The following GRM5 variants were observed in gnomAD, a reference collection of about 807,000 sequenced individuals.
GRM5 encodes glutamate metabotropic receptor 5.
A neutral mutation model predicts 83.1 loss-of-function variants in GRM5; 19 were observed. That is an observed-to-expected ratio of 0.23 (90% CI 0.16 to 0.34). The LOEUF (loss-of-function observed/expected upper bound fraction) is 0.34. Among genes scored for constraint, GRM5 ranks in the 10% least tolerant of loss-of-function variants. The probability of loss-of-function intolerance (pLI) is 1.00; values close to 1 mark genes in which losing one functional copy is unlikely to be tolerated. For missense variants in GRM5, 1,160 were observed against 1,588.3 expected (o/e 0.73, Z 4.58); for synonymous variants, 675 against 633.6 (o/e 1.07, Z -0.98).
intron 2 of GRM5, among the ~76,000 whole-genome samples, chr11:88,974,386 T>TAGATAGATAGA (rs1939261757): frequency 6.7e-6 from 1 of 149,254 alleles, no homozygotes; most frequent in African/African-American, 2.5e-5. Context: ...GATAGATAGA[T>TAGATAGATAGA]AGATAGATAG....
chr11:88,728,420 T>G (rs1470501593), intron 3 of GRM5, among the ~76,000 whole-genome samples: 1 of 151,774 alleles, frequency 6.6e-6, no homozygotes, highest in Non-Finnish European at 1.5e-5. Flanking sequence ...ACCAGATGGA[T>G]TCACAACCGA....
chr11:88,783,877 C>T (rs191550246), intron 3 of GRM5, among the ~76,000 whole-genome samples: 1 of 152,040 alleles, frequency 6.6e-6, no homozygotes, highest in Non-Finnish European at 1.5e-5. Context: ...CATCTATACA[C>T]TGGCACATAG....
At chr11:88,864,819 C>G (rs1232491925) in intron 2 of GRM5, among the ~76,000 whole-genome samples, 1 of 151,868 alleles carries the variant, frequency 6.6e-6, no homozygotes, top group Non-Finnish European at 1.5e-5. Context: ...AAATAGCTCT[C>G]ATTATTTTGA....
At position 88,509,414 on chromosome 11, in the gene GRM5, C is replaced by G. The variant is rs1302435956; in HGVS notation, c.2817G>C (p.Lys939Asn). ...LWQRLSIHIN[K>N]KENPNQTAVI... Reference sequence around the variant, plus strand: ...CGGCCGTTTGGTTGGGGTTTTCTTTCTTGTTGATGTGGATGGACAGGCGCT... The same window carrying G: ...CGGCCGTTTGGTTGGGGTTTTCTTTGTTGTTGATGTGGATGGACAGGCGCT... Residue 939 changes from lysine (K) to asparagine (N), a missense_variant, in exon 10 of 10, where the codon AAG becomes AAC. Physicochemically the swap from Lys to Asn is moderately conservative, Grantham distance 94 (BLOSUM62 0). Coordinates refer to ENST00000305447, the MANE Select transcript of GRM5 (RefSeq NM_001143831.3). 3 of 1,612,754 alleles carry G rather than the reference C, an allele frequency of 1.9e-6. No homozygotes were observed. In the South Asian group the frequency reaches 3.3e-5, roughly 18 times the overall value.
At chr11:89,040,009 T>G (rs1941491348) in intron 2 of GRM5, among the ~76,000 whole-genome samples, 2 of 152,206 alleles carry the variant, frequency 1.3e-5, no homozygotes, top group African/African-American at 4.8e-5. Context: ...AGAGCCTTAT[T>G]ATGTTGCCCA....
intron 2 of GRM5, among the ~76,000 whole-genome samples, chr11:88,936,385 T>C (rs1305832899): frequency 2.0e-5 from 3 of 151,874 alleles, no homozygotes; most frequent in Non-Finnish European, 4.4e-5. Context: ...AAACATTTAT[T>C]AAAGGAAAAA....
intron 6 of GRM5, among the ~76,000 whole-genome samples, chr11:88,591,232 A>C (rs1400160437): frequency 6.6e-6 from 1 of 152,238 alleles, no homozygotes; most frequent in Non-Finnish European, 1.5e-5. Flanking sequence ...ATTGGGTAGA[A>C]CATAGCAAAA....
chr11:88,837,973 T>A lies in GRM5; in HGVS notation c.911+11933A>T, dbSNP rs1428776983. Among the ~76,000 whole-genome samples the A allele has an allele frequency of 6.1e-5, 9 of 147,456 alleles. No individual in the cohort carries two copies. The East Asian group carries it at 1.8e-3, about 30-fold the overall frequency. The stretch of plus-strand genomic sequence containing the variant: ...GGTGGCGGGTGCCTGTAGTCCCAGC[T>A]ACTTGGGAGGCTGAGGCAGGAGAAT... On this transcript the variant is annotated intron_variant, in intron 3 of 9. Coordinates refer to ENST00000305447, the MANE Select transcript of GRM5 (RefSeq NM_001143831.3).
intron 2 of GRM5, among the ~76,000 whole-genome samples, chr11:88,993,282 A>AAG (rs1236891921): frequency 2.0e-5 from 3 of 150,126 alleles, no homozygotes; most frequent in Non-Finnish European, 3.0e-5. Flanking sequence ...AAAAAAAAAA[A>AAG]AGACAAGTGT....
rs188092667 is a variant in GRM5, at chr11:88,721,001, G to A, written c.912-67598C>T. ...TAGCCATCACGTAGCATTTCTATATGTGGCTTCAAATCCTGGCTCTACCAC... is the reference window on the plus strand; with the variant it reads ...TAGCCATCACGTAGCATTTCTATATATGGCTTCAAATCCTGGCTCTACCAC... On this transcript the variant is annotated intron_variant, in intron 3 of 9. Coordinates refer to ENST00000305447, the MANE Select transcript of GRM5 (RefSeq NM_001143831.3). Among the ~76,000 whole-genome samples the A allele has an allele frequency of 7.5e-3, 1,145 of 152,116 alleles. 6 individuals are homozygous for A. The highest frequency in any genetic ancestry group is 0.017 in the Middle Eastern group (5 of 294).
At chr11:89,039,278 A>AAAT (rs1555067424) in intron 2 of GRM5, among the ~76,000 whole-genome samples, 399 of 149,156 alleles carry the variant, frequency 2.7e-3, no homozygotes, top group Non-Finnish European at 4.1e-3. Flanking sequence ...ATAAAAAAAA[A>AAAT]ATATATATAT....
chr11:88,679,552 A>G (rs1270515956), intron 3 of GRM5, among the ~76,000 whole-genome samples: 1 of 152,114 alleles, frequency 6.6e-6, no homozygotes, highest in Non-Finnish European at 1.5e-5. Context: ...TTATCTATCT[A>G]TCAGTCTATT....
At chr11:88,719,683 C>T (rs1355564253) in intron 3 of GRM5, among the ~76,000 whole-genome samples, 1 of 152,102 alleles carries the variant, frequency 6.6e-6, no homozygotes, top group Non-Finnish European at 1.5e-5. Flanking sequence ...CTCCCACCAA[C>T]AGTGTATAAG....
chr11:88,733,366 A>T lies in GRM5; in HGVS notation c.912-79963T>A, dbSNP rs144194196. Among the ~76,000 whole-genome samples the T allele has an allele frequency of 5.8e-3, 870 of 149,868 alleles. 12 individuals carry two copies. Among genetic ancestry groups the T allele is most frequent in the African/African-American group, 0.021 (811 of 39,402 alleles). On this transcript the variant is annotated intron_variant, in intron 3 of 9. Coordinates refer to ENST00000305447, the MANE Select transcript of GRM5 (RefSeq NM_001143831.3). ...TCCTGATAAAAATATACAGGTTGAG[A>T]TAAGAAATAATTTTTCAAGTTTATA... is the stretch of plus-strand genomic sequence containing the variant.
At chr11:88,510,140 A>T (rs985523320) in intron 9 of GRM5, among the ~76,000 whole-genome samples, 1 of 152,242 alleles carries the variant, frequency 6.6e-6, no homozygotes, top group Non-Finnish European at 1.5e-5. Context: ...TAATGAACAC[A>T]CATTTCTAAT....
In GRM5 at chr11:88,753,781, A is replaced by G. The variant is rs115849048; in HGVS notation, c.911+96125T>C. On this transcript the variant is annotated intron_variant, in intron 3 of 9. Transcript: ENST00000305447. The stretch of plus-strand genomic sequence containing the variant: ...CATTCCCGAGACTGAGCAATTTACA[A>G]AAGAAAAAGGTTTACTGGCCTCACA... Among the ~76,000 whole-genome samples the G allele has an allele frequency of 2.6e-3, 390 of 152,264 alleles. 1 individual carries two copies. Among genetic ancestry groups the G allele is most frequent in the African/African-American group, 8.8e-3 (367 of 41,552 alleles).
At chr11:88,749,441 T>C (rs1942217247) in intron 3 of GRM5, among the ~76,000 whole-genome samples, 1 of 152,152 alleles carries the variant, frequency 6.6e-6, no homozygotes, top group Non-Finnish European at 1.5e-5. Context: ...TATGGGATTA[T>C]GTAAAAAGAC....
chr11:88,778,280 C>G (rs1465571140), intron 3 of GRM5, among the ~76,000 whole-genome samples: 1 of 152,238 alleles, frequency 6.6e-6, no homozygotes, highest in African/African-American at 2.4e-5. Flanking sequence ...GAGAGAATCA[C>G]CTTGTCTGCC....
At chr11:88,523,443 A>G (rs1484761595) in intron 9 of GRM5, among the ~76,000 whole-genome samples, 1 of 152,166 alleles carries the variant, frequency 6.6e-6, no homozygotes, top group East Asian at 1.9e-4. Context: ...TTTCAAGGAT[A>G]TGAATTATGC....
Sources: allele counts gnomAD v4.1 joint callset (sites outside exome capture counted in the v4.1 genomes callset), GRCh38; gene constraint gnomAD v4.1.1; transcripts MANE v1.5; gene names NCBI Gene and HGNC (gene_info 2026-07-23, HGNC 2026-07-21).